Variants in ARHGAP24 observed in about 807,000 individuals in gnomAD.
ARHGAP24 encodes the protein Rho GTPase activating protein 24.
In ARHGAP24, 50 loss-of-function variants were observed where a neutral mutation model predicts 76.4. The observed-to-expected ratio is 0.65, with a 90% CI of 0.52 to 0.83. ARHGAP24 has a LOEUF of 0.83. ARHGAP24 is among the 40% of genes least tolerant of loss of function. ARHGAP24 has a pLI of 0.00. For missense variants in ARHGAP24, 930 were observed against 914.2 expected (o/e 1.02, Z -0.22); for synonymous variants, 345 against 323.3 (o/e 1.07, Z -0.72).
chr4:85,504,134 C>T (rs1415036713), intron 1 of ARHGAP24, among the ~76,000 whole-genome samples: 1 of 152,068 alleles, frequency 6.6e-6, no homozygotes, highest in Non-Finnish European at 1.5e-5. Flanking sequence ...GCTTTACTTC[C>T]AATTATGTGG....
chr4:85,587,133 T>C (rs1727893594), intron 2 of ARHGAP24, among the ~76,000 whole-genome samples: 1 of 152,198 alleles, frequency 6.6e-6, no homozygotes, highest in Non-Finnish European at 1.5e-5. Flanking sequence ...AGTATCTATG[T>C]TACTTTTATG....
At chr4:85,756,840 A>T (rs1272446772) in intron 3 of ARHGAP24, among the ~76,000 whole-genome samples, 1 of 152,160 alleles carries the variant, frequency 6.6e-6, no homozygotes, top group Non-Finnish European at 1.5e-5. Flanking sequence ...CCCCGTGTTG[A>T]CCAAGGGAGT....
chr4:85,894,621 A>G (rs1578355682), intron 3 of ARHGAP24, among the ~76,000 whole-genome samples: 1 of 152,192 alleles, frequency 6.6e-6, no homozygotes, highest in Non-Finnish European at 1.5e-5. Context: ...ATTATTCATT[A>G]AAGTATTTAG....
intron 1 of ARHGAP24, 22 bp from the exon 2 acceptor site, chr4:85,570,500 T>G (rs760261770): frequency 6.2e-7 from 1 of 1,606,338 alleles, no homozygotes; most frequent in East Asian, 2.2e-5. Flanking sequence ...ATTATTTTCC[T>G]TTCTTTTTGT....
At chr4:85,554,566 A>G (rs886610096) in intron 1 of ARHGAP24, among the ~76,000 whole-genome samples, 1 of 151,910 alleles carries the variant, frequency 6.6e-6, no homozygotes, top group Non-Finnish European at 1.5e-5. Flanking sequence ...CCTCAGCTTG[A>G]TTTATTCTGC....
chr4:85,995,819 T>A (rs1038009891), intron 9 of ARHGAP24, among the ~76,000 whole-genome samples, 162 bp downstream of exon 9: 1 of 152,206 alleles, frequency 6.6e-6, no homozygotes, highest in Non-Finnish European at 1.5e-5. Context: ...GTTAGCTTCA[T>A]CTCTGTGAGC....
At chr4:85,848,666 G>A (rs1212449745) in intron 3 of ARHGAP24, among the ~76,000 whole-genome samples, 1 of 152,134 alleles carries the variant, frequency 6.6e-6, no homozygotes, top group Admixed American at 6.5e-5. Flanking sequence ...CTACATAATG[G>A]CTAGCCAGTT....
intron 2 of ARHGAP24, among the ~76,000 whole-genome samples, chr4:85,581,831 A>C (rs1176314046): frequency 2.0e-5 from 3 of 152,092 alleles, no homozygotes; most frequent in Non-Finnish European, 4.4e-5. Context: ...ATACATATAT[A>C]AAATACATGT....
intron 2 of ARHGAP24, among the ~76,000 whole-genome samples, chr4:85,646,552 C>CA (rs1365282281): frequency 6.6e-6 from 1 of 151,882 alleles, no homozygotes. Flanking sequence ...CTCTTTAGTT[C>CA]AAAAGTCATT....
chr4:85,521,662 G>A (rs1348923913), intron 1 of ARHGAP24, among the ~76,000 whole-genome samples: 1 of 152,068 alleles, frequency 6.6e-6, no homozygotes, highest in East Asian at 1.9e-4. Flanking sequence ...TCTACATACT[G>A]CTGATCCTAG....
At chr4:85,991,290 G>A (rs971286963) in intron 8 of ARHGAP24, 1 of 152,084 alleles carries the variant, frequency 6.6e-6, no homozygotes, top group Non-Finnish European at 1.5e-5. Flanking sequence ...ATTCACAAAA[G>A]AATTAGGTAG....
chr4:85,691,213 T>G (rs2110017831), intron 2 of ARHGAP24, among the ~76,000 whole-genome samples: 1 of 152,244 alleles, frequency 6.6e-6, no homozygotes, highest in African/African-American at 2.4e-5. Context: ...GAGAGTATGC[T>G]TGGTATGACT....
Position 85,671,943 on chromosome 4 carries a change from T to C in ARHGAP24, c.181-49942T>C, listed in dbSNP as rs114624631. Reference sequence around the variant, plus strand: ...TTTTTTTCCATTTGAGGAGCTGAGTTCACCAACCTTCAATACATTCCATCG... The same window carrying C: ...TTTTTTTCCATTTGAGGAGCTGAGTCCACCAACCTTCAATACATTCCATCG... On this transcript the variant is annotated intron_variant, in intron 2 of 9. Coordinates refer to ENST00000395184, the MANE Select transcript of ARHGAP24 (RefSeq NM_001025616.3). Among the ~76,000 whole-genome samples, 1,221 of 152,274 alleles carry C rather than the reference T, an allele frequency of 8.0e-3. 11 individuals are homozygous for C. The highest frequency in any genetic ancestry group is 0.028 in the African/African-American group (1,147 of 41,554).
chr4:85,753,863 G>A (rs1726364454), intron 3 of ARHGAP24, among the ~76,000 whole-genome samples: 1 of 152,106 alleles, frequency 6.6e-6, no homozygotes, highest in African/African-American at 2.4e-5. Context: ...AGGGAAATCA[G>A]GAGAGCCATC....
chr4:85,689,940 C>T (rs1189830520), intron 2 of ARHGAP24, among the ~76,000 whole-genome samples: 1 of 125,196 alleles, frequency 8.0e-6, no homozygotes, highest in African/African-American at 3.9e-5. Context: ...TTGTCTTGTT[C>T]CACTTCTCAG....
chr4:85,967,636 G>A (rs1331784286), intron 5 of ARHGAP24, among the ~76,000 whole-genome samples: 1 of 152,074 alleles, frequency 6.6e-6, no homozygotes, highest in Non-Finnish European at 1.5e-5. Context: ...TCAGATCTTT[G>A]GGCCTATCTT....
chr4:85,844,982 A>G (rs1730797955), intron 3 of ARHGAP24, among the ~76,000 whole-genome samples: 1 of 152,232 alleles, frequency 6.6e-6, no homozygotes. Flanking sequence ...ACAGAGAGAT[A>G]TCATTGACCG....
intron 3 of ARHGAP24, among the ~76,000 whole-genome samples, chr4:85,894,959 T>G (rs1734058717): frequency 3.3e-5 from 1 of 30,534 alleles, no homozygotes; most frequent in African/African-American, 1.0e-4. Context: ...AGACTCCCTC[T>G]CAAAAAAAAA....
chr4:85,769,549 T>G (rs1035851990), intron 3 of ARHGAP24, among the ~76,000 whole-genome samples: 2 of 152,318 alleles, frequency 1.3e-5, no homozygotes, highest in East Asian at 3.9e-4. Context: ...ATTATACATA[T>G]ATATGGATAG....
Sources: allele counts gnomAD v4.1 joint callset (sites outside exome capture counted in the v4.1 genomes callset), GRCh38; gene constraint gnomAD v4.1.1; transcripts MANE v1.5; gene names NCBI Gene and HGNC (gene_info 2026-07-23, HGNC 2026-07-21).